PCSK5: variants seen among roughly 807,000 people sequenced by gnomAD.
The protein encoded by PCSK5 is proprotein convertase subtilisin/kexin type 5, also known as prohormone convertase 5.
In PCSK5, 129 loss-of-function variants were observed where a neutral mutation model predicts 233.2. The observed-to-expected ratio is 0.55, with a 90% CI of 0.48 to 0.64. The LOEUF (loss-of-function observed/expected upper bound fraction) is 0.64. PCSK5 is among the 30% of genes least tolerant of loss of function. The pLI, the probability that PCSK5 is intolerant of heterozygous loss-of-function variation, is 0.00. For synonymous variants in PCSK5, 825 were observed against 879.2 expected, an observed-to-expected ratio of 0.94 and a Z score of 1.09; for missense variants, 2,076 against 2,430.1, an observed-to-expected ratio of 0.85 and a Z score of 3.06.
intron 24 of PCSK5, among the ~76,000 whole-genome samples, chr9:76,241,855 A>G (rs531567959): frequency 6.6e-6 from 1 of 152,288 alleles, no homozygotes; most frequent in African/African-American, 2.4e-5. Flanking sequence ...TGGTTGACTA[A>G]TCAACCACTG....
chr9:76,348,918 T>TA (rs1378349254), intron 35 of PCSK5, among the ~76,000 whole-genome samples: 7 of 151,856 alleles, frequency 4.6e-5, no homozygotes, highest in African/African-American at 9.7e-5. Flanking sequence ...TCTCTTCATT[T>TA]AAAAAAAACT....
chr9:76,249,052 C>T (rs1826711977), intron 24 of PCSK5, among the ~76,000 whole-genome samples: 1 of 152,192 alleles, frequency 6.6e-6, no homozygotes, highest in African/African-American at 2.4e-5. Context: ...TGTGAGCCAC[C>T]GTACCCAACC....
At chr9:76,293,818 C>G (rs1828351005) in intron 25 of PCSK5, among the ~76,000 whole-genome samples, 1 of 152,252 alleles carries the variant, frequency 6.6e-6, no homozygotes, top group Admixed American at 6.5e-5. Context: ...AAGGGTACAA[C>G]ATGAGATATT....
At chr9:76,123,139 C>T (rs948950230) in intron 9 of PCSK5, among the ~76,000 whole-genome samples, 7 of 152,082 alleles carry the variant, frequency 4.6e-5, no homozygotes, top group African/African-American at 7.2e-5. Flanking sequence ...CCACTGCGCC[C>T]GGCCTACTTT....
At chr9:76,262,126 G>A (rs968839918) in intron 24 of PCSK5, among the ~76,000 whole-genome samples, 8 of 152,164 alleles carry the variant, frequency 5.3e-5, no homozygotes, top group Non-Finnish European at 1.0e-4. Context: ...CATTCAGTAT[G>A]ATATTGGCTG....
At chr9:76,209,995 G>C (rs2131283641) in intron 20 of PCSK5, among the ~76,000 whole-genome samples, 1 of 152,216 alleles carries the variant, frequency 6.6e-6, no homozygotes, top group Middle Eastern at 3.4e-3. Flanking sequence ...ACTTCAAATG[G>C]CTGTTCTAAG....
chr9:76,116,769 G>A (rs1041127272), intron 9 of PCSK5, among the ~76,000 whole-genome samples: 20 of 152,092 alleles, frequency 1.3e-4, no homozygotes, highest in African/African-American at 4.8e-4. Context: ...CAGGTGATAG[G>A]TGTGGAAGGT....
chr9:76,115,749 T>C (rs575164850), intron 9 of PCSK5, among the ~76,000 whole-genome samples: 2 of 152,260 alleles, frequency 1.3e-5, no homozygotes, highest in South Asian at 2.1e-4. Flanking sequence ...TAATATATCA[T>C]TGGATGGCTT....
rs188757840 is a variant in PCSK5 at position 76,049,990 on chromosome 9, T to C, written c.633-17965T>C. On this transcript the variant is annotated intron_variant, in intron 5 of 37. Coordinates refer to ENST00000674117, the MANE Select transcript of PCSK5 (RefSeq NM_001372043.1). ...ATAAATGTAGACTTGTAAATTATTG[T>C]CTATGATTCAGGATTTTCTGGCCAA... Among the ~76,000 whole-genome samples the C allele has an allele frequency of 2.7e-3, 407 of 152,372 alleles. 2 individuals carry two copies. The highest frequency in any genetic ancestry group is 4.6e-3 in the Non-Finnish European group (311 of 68,034).
At position 76,175,071 on chromosome 9, in the gene PCSK5, G is replaced by A; in HGVS notation, c.1842G>A (p.Arg614=). The change falls in exon 14 of 38, where the codon CGG becomes CGA. Residue 614 remains arginine, a synonymous_variant. Transcript: ENST00000674117. The part of the protein sequence containing the change: ...SPTNEFPKVE[R]FRYSRVEDPT... ...CCAATGAATTTCCGAAAGTGGAACG[G>A]TTCCGCTATAGCCGAGTTGAAGACC... 6.2e-7 allele frequency: 1 copy of A among 1,614,172 alleles called. No homozygotes were observed. Among genetic ancestry groups the A allele is most frequent in the Non-Finnish European group, 8.5e-7 (1 of 1,180,004 alleles).
intron 5 of PCSK5, among the ~76,000 whole-genome samples, chr9:76,064,575 G>A (rs1002294821): frequency 6.7e-6 from 1 of 150,288 alleles, no homozygotes; most frequent in Admixed American, 6.6e-5. Flanking sequence ...CTTCCCAGAT[G>A]GGGTGGCTGC....
chr9:76,055,780 C>A (rs1237210094), intron 5 of PCSK5, among the ~76,000 whole-genome samples: 1 of 152,098 alleles, frequency 6.6e-6, no homozygotes, highest in Non-Finnish European at 1.5e-5. Flanking sequence ...CTAGGATACC[C>A]TGGTCTAGTT....
intron 13 of PCSK5, among the ~76,000 whole-genome samples, chr9:76,171,445 T>C (rs1389413481): frequency 2.6e-5 from 4 of 152,226 alleles, no homozygotes; most frequent in African/African-American, 9.7e-5. Context: ...TTGAGCATTT[T>C]AAAGTTATAA....
At chr9:76,000,687 A>G (rs761606160) in intron 3 of PCSK5, among the ~76,000 whole-genome samples, 4 of 152,160 alleles carry the variant, frequency 2.6e-5, no homozygotes, top group African/African-American at 4.8e-5. Context: ...TTCATTGTAA[A>G]TTCATTAACT....
At chr9:75,905,745 G>A (rs1020711879) in intron 1 of PCSK5, among the ~76,000 whole-genome samples, 7 of 152,152 alleles carry the variant, frequency 4.6e-5, no homozygotes, top group South Asian at 2.1e-4. Flanking sequence ...GGCGAACCCT[G>A]TTGTGAACTG....
At chr9:76,212,176 G>T (rs1051359313) in intron 20 of PCSK5, among the ~76,000 whole-genome samples, 6 of 152,136 alleles carry the variant, frequency 3.9e-5, no homozygotes, top group African/African-American at 1.4e-4. Context: ...GGACAGGATG[G>T]CCCCTCTGAA....
chr9:76,283,613 G>C (rs930838333), intron 24 of PCSK5, among the ~76,000 whole-genome samples: 10 of 152,132 alleles, frequency 6.6e-5, no homozygotes, highest in Admixed American at 4.6e-4. Context: ...TCATTGAGGT[G>C]GTCTGGAACT....
intron 20 of PCSK5, among the ~76,000 whole-genome samples, chr9:76,206,745 A>T (rs752603107): frequency 6.6e-6 from 1 of 152,240 alleles, no homozygotes; most frequent in Non-Finnish European, 1.5e-5. Flanking sequence ...TAATAATGGC[A>T]GAGCTCCAGA....
At chr9:75,920,153 G>A (rs932703760) in intron 1 of PCSK5, among the ~76,000 whole-genome samples, 7 of 152,128 alleles carry the variant, frequency 4.6e-5, no homozygotes, top group East Asian at 1.9e-4. Flanking sequence ...GTGAGACTCC[G>A]TCTCAAAAAA....
Sources: gnomAD v4.1 joint callset for allele counts (sites outside exome capture counted in the v4.1 genomes callset) on GRCh38, gnomAD v4.1.1 for gene constraint, MANE v1.5 for transcripts, NCBI Gene and HGNC (gene_info 2026-07-23, HGNC 2026-07-21) for gene names.